Variants in HNRNPA1L2 observed in about 807,000 individuals in gnomAD.
HNRNPA1L2 encodes the protein heterogeneous nuclear ribonucleoprotein A1 like 2.
HNRNPA1L2 carries 10 observed loss-of-function variants against 18.2 expected under a neutral mutation model. The observed-to-expected ratio is 0.55, with a 90% CI of 0.34 to 0.93. The LOEUF (loss-of-function observed/expected upper bound fraction) is 0.93. Among genes scored for constraint, HNRNPA1L2 ranks in the 40% least tolerant of loss-of-function variants. The pLI, the probability that HNRNPA1L2 is intolerant of heterozygous loss-of-function variation, is 0.02. For synonymous variants in HNRNPA1L2, 124 were observed against 138.6 expected (o/e 0.89, Z 0.74); for missense variants, 308 against 394.4 (o/e 0.78, Z 1.85).
chr13:52,624,997 C>T, the HNRNPA1L2 span, among the ~76,000 whole-genome samples: 2,340 of 151,408 alleles, frequency 0.015, 60 homozygotes, highest in African/African-American at 0.053. Flanking sequence ...TGCCAGTGCA[C>T]TCCAGCATGG....
the HNRNPA1L2 span, among the ~76,000 whole-genome samples, chr13:52,630,582 T>TATAGCAGGATATGCTCA: frequency 1.3e-5 from 2 of 152,166 alleles, no homozygotes; most frequent in Non-Finnish European, 2.9e-5. Context: ...AACCTGTCTT[T>TATAGCAGGATATGCTCA]ATAGCAGGAT....
chr13:52,642,365 A>G (rs1262194952), upstream of HNRNPA1L2: 4 of 1,277,950 alleles, frequency 3.1e-6, no homozygotes, highest in African/African-American at 3.0e-5. Flanking sequence ...TTTATTTCCC[A>G]AAGAGAATCA....
the HNRNPA1L2 span, among the ~76,000 whole-genome samples, chr13:52,636,866 C>T: frequency 3.3e-5 from 5 of 152,234 alleles, no homozygotes; most frequent in East Asian, 9.6e-4. Context: ...GAATCTGGCT[C>T]TATCACCCAG....
At chr13:52,637,911 G>A (rs1311445949), upstream of HNRNPA1L2, among the ~76,000 whole-genome samples, 1 of 152,066 alleles carries the variant, frequency 6.6e-6, no homozygotes, top group Non-Finnish European at 1.5e-5. Context: ...AATATTTCAA[G>A]GAATGAATGG....
At chr13:52,639,450 C>T (rs915054770), upstream of HNRNPA1L2, among the ~76,000 whole-genome samples, 8 of 152,040 alleles carry the variant, frequency 5.3e-5, no homozygotes, top group Admixed American at 3.9e-4. Context: ...ATTTCAGCTG[C>T]GACAAATTTA....
At chr13:52,634,005 G>T in the HNRNPA1L2 span, among the ~76,000 whole-genome samples, 9,362 of 152,182 alleles carry the variant, frequency 0.062, 332 homozygotes, top group African/African-American at 0.095. Context: ...CAGATCGTAG[G>T]AACTAGTTAT....
At chr13:52,619,919 C>CAAAAAAAAAAAAAA in the HNRNPA1L2 span, among the ~76,000 whole-genome samples, 2 of 69,148 alleles carry the variant, frequency 2.9e-5, no homozygotes, top group African/African-American at 1.1e-4. Flanking sequence ...GATTCCGTCT[C>CAAAAAAAAAAAAAA]AAAAAAAAAA....
At chr13:52,636,291 C>T in the HNRNPA1L2 span, among the ~76,000 whole-genome samples, 561 of 152,206 alleles carry the variant, frequency 3.7e-3, 3 homozygotes, top group African/African-American at 0.012. Context: ...AAATATCCAG[C>T]GATGAAATAG....
the HNRNPA1L2 span, among the ~76,000 whole-genome samples, chr13:52,620,003 CTTA>C: frequency 1.3e-5 from 2 of 149,036 alleles, no homozygotes; most frequent in African/African-American, 2.5e-5. Context: ...GTCCTGTGTA[CTTA>C]TTATGAGGAT....
chr13:52,639,361 C>T (rs1278210411), upstream of HNRNPA1L2, among the ~76,000 whole-genome samples: 1 of 152,112 alleles, frequency 6.6e-6, no homozygotes, highest in Non-Finnish European at 1.5e-5. Flanking sequence ...GTATTAAAGA[C>T]GTTTTTACTT....
the HNRNPA1L2 span, among the ~76,000 whole-genome samples, chr13:52,621,721 T>C: frequency 6.6e-6 from 1 of 151,314 alleles, no homozygotes; most frequent in African/African-American, 2.4e-5. Flanking sequence ...TTAGGTAAGT[T>C]ACTTCTCTGA....
At chr13:52,618,281 A>C in the HNRNPA1L2 span, among the ~76,000 whole-genome samples, 1 of 152,282 alleles carries the variant, frequency 6.6e-6, no homozygotes, top group East Asian at 1.9e-4. Context: ...TCTGGAAGAA[A>C]AGTCTGATGA....
the HNRNPA1L2 span, among the ~76,000 whole-genome samples, chr13:52,629,907 G>A: frequency 6.6e-6 from 1 of 152,132 alleles, no homozygotes; most frequent in African/African-American, 2.4e-5. Context: ...GGCTAACATG[G>A]TGAAACCCCA....
At chr13:52,629,655 C>A in the HNRNPA1L2 span, among the ~76,000 whole-genome samples, 4 of 152,066 alleles carry the variant, frequency 2.6e-5, no homozygotes, top group Non-Finnish European at 4.4e-5. Context: ...GAATTCTGAA[C>A]AAGTGAGTAT....
chr13:52,639,896 G>GTTTTTTTTTTTTT (rs1199414232), upstream of HNRNPA1L2, among the ~76,000 whole-genome samples: 1 of 70,696 alleles, frequency 1.4e-5, no homozygotes, highest in African/African-American at 5.9e-5. Context: ...TTTTTTTTTT[G>GTTTTTTTTTTTTT]TTTTTTTTTT....
At chr13:52,619,234 CG>C in the HNRNPA1L2 span, among the ~76,000 whole-genome samples, 1 of 151,946 alleles carries the variant, frequency 6.6e-6, no homozygotes, top group African/African-American at 2.4e-5. Context: ...CTCAGGTGAT[CG>C]GCCCGCATTG....
the HNRNPA1L2 span, among the ~76,000 whole-genome samples, chr13:52,620,888 A>T: frequency 9.2e-5 from 14 of 152,154 alleles, no homozygotes; most frequent in Non-Finnish European, 1.3e-4. Flanking sequence ...AAAAAAAAAA[A>T]AATAATTTCT....
rs145252852 is a variant in HNRNPA1L2 at position 52,643,692 on chromosome 13, A to C, written c.*237A>C. The C allele has an allele frequency of 1.1e-3, 619 of 586,956 alleles. 3 individuals are homozygous for C. In the African/African-American group the frequency reaches 0.011, roughly 10 times the overall value. 36.4% of individuals were successfully genotyped at this position (586,956 alleles called of 1,614,324 possible). ...TTCTGTGGAAAGTGTAAAGCATTCC[A>C]ACAAAGTGTTTTAATGTAGATTTTT... On this transcript the variant is annotated 3_prime_UTR_variant, in exon 1 of 1. Coordinates refer to ENST00000357495, the MANE Select transcript of HNRNPA1L2 (RefSeq NM_001389320.1).
chr13:52,636,918 G>A, the HNRNPA1L2 span, among the ~76,000 whole-genome samples: 2 of 152,142 alleles, frequency 1.3e-5, no homozygotes, highest in Admixed American at 1.3e-4. Flanking sequence ...TGTAACCTCC[G>A]CCTCCTGGGT....
Sources: gnomAD v4.1 joint callset for allele counts (sites outside exome capture counted in the v4.1 genomes callset) on GRCh38, gnomAD v4.1.1 for gene constraint, MANE v1.5 for transcripts, NCBI Gene and HGNC (gene_info 2026-07-23, HGNC 2026-07-21) for gene names.